The following PAPLN variants were observed in gnomAD, a reference collection of about 807,000 sequenced individuals.
PAPLN encodes papilin.
Under a neutral mutation model 159.0 loss-of-function variants are expected in PAPLN, and 146 were observed. That is an observed-to-expected ratio of 0.92 (90% CI 0.80 to 1.05). The LOEUF (loss-of-function observed/expected upper bound fraction) is 1.05, where lower values mean the gene tolerates loss of function less well. Among genes scored for constraint, PAPLN ranks in the 50% least tolerant of loss-of-function variants. The probability of loss-of-function intolerance (pLI) is 0.00; values close to 1 mark genes in which losing one functional copy is unlikely to be tolerated. For synonymous variants in PAPLN, 734 were observed against 702.9 expected (o/e 1.04, Z -0.70); for missense variants, 1,720 against 1,743.9 (o/e 0.99, Z 0.24).
Position 73,262,468 on chromosome 14 carries a change from T to C in PAPLN, c.2364T>C (p.His788=), listed in dbSNP as rs781737724. 48 of 1,610,318 alleles carry C rather than the reference T, an allele frequency of 3.0e-5. No homozygotes were observed. In the South Asian group the frequency reaches 5.0e-4, roughly 17 times the overall value. Residue 788 remains histidine (H), a synonymous_variant, in exon 19 of 27, where the codon CAT becomes CAC. Transcript: ENST00000644200. The part of the protein sequence containing the change: ...QCNRFWYGGC[H]GNANNFASEQ... ...ACCGCTTCTGGTATGGCGGCTGCCA[T>C]GGCAATGCCAATAACTTTGCCTCGG...
At chr14:73,268,944 A>T (rs765294000) in intron 26 of PAPLN, among the ~76,000 whole-genome samples, 1 of 152,128 alleles carries the variant, frequency 6.6e-6, no homozygotes, top group Non-Finnish European at 1.5e-5. Context: ...TGTAGTGGAG[A>T]TGAAGGAAAT....
intron 16 of PAPLN, among the ~76,000 whole-genome samples, chr14:73,260,057 G>T (rs1886379673): frequency 6.6e-6 from 1 of 152,134 alleles, no homozygotes; most frequent in Non-Finnish European, 1.5e-5. Flanking sequence ...AGGTGCTTCT[G>T]GGCCCAGACT....
intron 14 of PAPLN, among the ~76,000 whole-genome samples, chr14:73,257,098 T>C (rs1046847530): frequency 6.6e-6 from 1 of 152,086 alleles, no homozygotes; most frequent in Non-Finnish European, 1.5e-5. Context: ...CAGCCTCCTG[T>C]GTAGCTGAGA....
chr14:73,266,882 G>C lies in PAPLN; in HGVS notation c.3500+51G>C, dbSNP rs375611141. ...CTGTCCCCAGACCTTCACAACCTCA[G>C]GTGTGGGTGTCCACCTTTCTGCCAG... On this transcript the variant is annotated intron_variant, in intron 25 of 26. Coordinates refer to ENST00000644200, the MANE Select transcript of PAPLN (RefSeq NM_001365906.3). 1.5e-5 allele frequency: 23 copies of C among 1,516,560 alleles called. No homozygotes were observed. In the African/African-American group the frequency reaches 2.6e-4, roughly 17 times the overall value. The allele number at this position is 1,516,560 out of a possible 1,614,324, so 93.9% of individuals were successfully genotyped here.
rs770125755 is a variant in PAPLN at position 73,252,704 on chromosome 14, C to T, written c.1023C>T (p.His341=). ...TCGACCATGAGGCCTACCCCGACCA[C>T]ATGTGCCAGCGCCAGCCACGGCCAG... ...CTIDHEAYPD[H]MCQRQPRPAD... The change falls in exon 11 of 27, where the codon CAC becomes CAT. Residue 341 remains histidine (H), a synonymous_variant. Coordinates refer to ENST00000644200, the MANE Select transcript of PAPLN (RefSeq NM_001365906.3). 18 of 1,613,398 alleles carry T rather than the reference C, an allele frequency of 1.1e-5. No homozygotes were observed. The highest frequency in any genetic ancestry group is 1.4e-5 in the Non-Finnish European group (17 of 1,180,008).
intron 26 of PAPLN, 124 bp downstream of exon 26, chr14:73,268,847 G>C: frequency 8.1e-7 from 1 of 1,237,092 alleles, no homozygotes; most frequent in Non-Finnish European, 1.1e-6. Context: ...CCAGTTGCTG[G>C]TAGTGTGACT....
In PAPLN at chr14:73,265,375, G is replaced by A. The variant is rs550935233; in HGVS notation, c.3131G>A (p.Arg1044His). 349 of 1,609,510 alleles carry A rather than the reference G, an allele frequency of 2.2e-4. 6 individuals are homozygous for A. In the South Asian group the frequency reaches 3.5e-3, roughly 16 times the overall value. Reference sequence around the variant, plus strand: ...GTGGGCTGCTTGTTTGGCAGGCTGCGTTTGGACCAGAACCAGCCCCGGGTG... The same window carrying A: ...GTGGGCTGCTTGTTTGGCAGGCTGCATTTGGACCAGAACCAGCCCCGGGTG... The part of the protein sequence containing the change: ...SSHPQPANRL[R>H]LDQNQPRVVD... Residue 1044 changes from arginine to histidine, a missense_variant, in exon 23 of 27, where the codon CGT becomes CAT. By Grantham distance (29) the Arg-to-His change is conservative. Coordinates refer to ENST00000644200, the MANE Select transcript of PAPLN (RefSeq NM_001365906.3). This position sits in a 1 kb window ranked among gnomAD's most constrained non-coding sequence, Gnocchi z 4.1.
rs768771536 is a variant in PAPLN at position 73,246,123 on chromosome 14, C to T, written c.282C>T (p.Phe94=). The stretch of plus-strand genomic sequence containing the variant: ...TCCGGGCCGAGCAGTGCGCGGAGTT[C>T]GACGGAGCGGAGTTCCAGGGGCGGC... The part of the protein sequence containing the change: ...RDFRAEQCAE[F]DGAEFQGRRY... Residue 94 remains phenylalanine, a synonymous_variant, in exon 5 of 27, where the codon TTC becomes TTT. Transcript: ENST00000644200. 6.3e-6 allele frequency: 10 copies of T among 1,590,530 alleles called. No individual in the cohort carries two copies. The East Asian group carries it at 1.2e-4, about 19-fold the overall frequency.
chr14:73,244,535 C>T (rs1796666803), intron 2 of PAPLN, 109 bp from the exon 3 acceptor site: 1 of 931,240 alleles, frequency 1.1e-6, no homozygotes, highest in Non-Finnish European at 1.7e-6. Flanking sequence ...AGGGAGAATC[C>T]CAGACTCCTT....
chr14:73,254,922 T>C lies in PAPLN; in HGVS notation c.1531T>C (p.Cys511Arg). Residue 511 changes from cysteine to arginine, a missense_variant, in exon 14 of 27, where the codon TGT becomes CGT. Physicochemically the swap from Cys to Arg is radical, Grantham distance 180. Transcript: ENST00000644200. ...GGGCACTCGGAGGCGACAGGTCATC[T>C]GTGCCATTGGGCCGCCCAGCCACTG... ...SSGTRRRQVICAIGPPSHCGS... is the reference protein window; with the variant it reads ...SSGTRRRQVIRAIGPPSHCGS... 1 of 1,613,364 alleles carries C rather than the reference T, an allele frequency of 6.2e-7. No individual in the cohort carries two copies. The highest frequency in any genetic ancestry group is 8.5e-7 in the Non-Finnish European group (1 of 1,179,968).
chr14:73,267,833 C>T (rs148854567), intron 25 of PAPLN, among the ~76,000 whole-genome samples: 1 of 152,162 alleles, frequency 6.6e-6, no homozygotes, highest in Non-Finnish European at 1.5e-5. Flanking sequence ...CATAGAACTC[C>T]CCTCTTCACA....
At position 73,270,538 on chromosome 14, in the gene PAPLN, C is replaced by G. The variant is rs1887627704; in HGVS notation, c.3667+1815C>G. 1.3e-5 allele frequency among the ~76,000 whole-genome samples: 2 copies of G among 152,230 alleles called. 1 individual carries two copies. The highest frequency in any genetic ancestry group is 4.1e-4 in the South Asian group (2 of 4,836). On this transcript the variant is annotated intron_variant, in intron 26 of 26. Transcript: ENST00000644200. The stretch of plus-strand genomic sequence containing the variant: ...TGGAGTTACATTGGCGAAAGCACCA[C>G]ACTCCAGGGACTACTTTTCACCTGT...
In PAPLN at chr14:73,245,661, G is replaced by T; in HGVS notation, c.196G>T (p.Gly66Cys). 1 of 1,558,094 alleles carries T rather than the reference G, an allele frequency of 6.4e-7. No individual in the cohort carries two copies. The highest frequency in any genetic ancestry group is 1.2e-5 in the South Asian group (1 of 84,988). ...QRRDGGSSCV[G>C]PARSHRSCRT... ...GAGAGATGGAGGCTCCAGCTGCGTG[G>T]GCCCCGCCCGGAGCCACCGCTCTTG... The change falls in exon 4 of 27, where the codon GGC becomes TGC. Residue 66 changes from glycine to cysteine, a missense_variant. Physicochemically the swap from Gly to Cys is radical, Grantham distance 159. Coordinates refer to ENST00000644200, the MANE Select transcript of PAPLN (RefSeq NM_001365906.3). This position sits in a 1 kb window ranked among gnomAD's most constrained non-coding sequence, Gnocchi z 4.2.
chr14:73,268,642 G>A lies in PAPLN; in HGVS notation c.3586G>A (p.Asp1196Asn), dbSNP rs777552143. ...GCTCATTTACAACTTGCGGGCCAGG[G>A]ATGAGGGCTCCTACACGTGCAGTGC... ...TLLIYNLRAR[D>N]EGSYTCSAYQ... The change falls in exon 26 of 27, where the codon GAT becomes AAT. Residue 1196 changes from aspartate (D) to asparagine (N), a missense_variant. Asp to Asn is a conservative substitution (Grantham distance 23). Transcript: ENST00000644200. 50 of 1,614,064 alleles carry A rather than the reference G, an allele frequency of 3.1e-5. 1 individual carries two copies. In the South Asian group the frequency reaches 4.9e-4, roughly 16 times the overall value.
intron 5 of PAPLN, among the ~76,000 whole-genome samples, chr14:73,247,824 G>A (rs1205323746): frequency 2.9e-5 from 4 of 138,180 alleles, no homozygotes; most frequent in Non-Finnish European, 6.2e-5. Flanking sequence ...GTGTGTGTGT[G>A]TGTGTGTGTG....
At chr14:73,247,919 TGTGTGTGTGTGTGTGTTGTG>T (rs1884714912) in intron 5 of PAPLN, among the ~76,000 whole-genome samples, 1 of 123,348 alleles carries the variant, frequency 8.1e-6, no homozygotes, top group Non-Finnish European at 1.7e-5. Flanking sequence ...TGTGTGTGTG[TGTGTGTGTGTGTGTGTTGTG>T]GGGACCGTGG....
chr14:73,263,480 G>C, intron 19 of PAPLN, 165 bp from the exon 20 acceptor site: 1 of 842,980 alleles, frequency 1.2e-6, no homozygotes, highest in Non-Finnish European at 1.9e-6. Context: ...GTAGATTCCT[G>C]AATCCATGGG....
chr14:73,267,460 G>T (rs1887337604), intron 25 of PAPLN, among the ~76,000 whole-genome samples: 1 of 152,222 alleles, frequency 6.6e-6, no homozygotes. Flanking sequence ...AGCTCCAGAT[G>T]TGTTTTGTTG....
rs771913227 is a variant in PAPLN, at chr14:73,264,762, CGCCAGG to C, written c.3125+46_3125+51del. 5.5e-5 allele frequency: 89 copies of C among 1,610,000 alleles called. No individual in the cohort carries two copies. In the Admixed American group the frequency reaches 9.3e-4, roughly 17 times the overall value. ...AGCAATGCCATCTTGCCCTCCCCCA[CGCCAGG>C]GCCAGGGCCGGGGGTCTCAGTGGAT... On this transcript the variant is annotated intron_variant, in intron 22 of 26. Coordinates refer to ENST00000644200, the MANE Select transcript of PAPLN (RefSeq NM_001365906.3).
Sources: allele counts gnomAD v4.1 joint callset (sites outside exome capture counted in the v4.1 genomes callset), GRCh38; gene constraint gnomAD v4.1.1; non-coding constraint Gnocchi (gnomAD v3.1); transcripts MANE v1.5; gene names NCBI Gene and HGNC (gene_info 2026-07-23, HGNC 2026-07-21).